The following UBE2Q2 variants were observed in gnomAD, a reference collection of about 807,000 sequenced individuals.
UBE2Q2 encodes ubiquitin-conjugating enzyme E2 Q2.
UBE2Q2 carries 54 observed loss-of-function variants against 59.9 expected under a neutral mutation model. The ratio of observed to expected loss-of-function variants is 0.90; its 90% confidence interval spans 0.72 to 1.13. UBE2Q2 has a LOEUF of 1.13. Among genes scored for constraint, UBE2Q2 ranks in the 50% most tolerant of loss-of-function variants. UBE2Q2 has a pLI of 0.00. For synonymous variants in UBE2Q2, 165 were observed against 155.2 expected (o/e 1.06, Z -0.47); for missense variants, 433 against 441.9 (o/e 0.98, Z 0.18).
chr15:75,893,710 C>T (rs1171739987), intron 11 of UBE2Q2, among the ~76,000 whole-genome samples: 1 of 151,858 alleles, frequency 6.6e-6, no homozygotes, highest in Non-Finnish European at 1.5e-5. Flanking sequence ...CAGTTGGTAC[C>T]ATACATACCA....
rs567812088 is a variant in UBE2Q2 at position 75,882,653 on chromosome 15, GTTAAGTTGGTATCTTGTGTCA to G, written c.826-694_826-674del. 6.7e-4 allele frequency among the ~76,000 whole-genome samples: 102 copies of G among 152,280 alleles called. 1 individual carries two copies. Among genetic ancestry groups the G allele is most frequent in the Non-Finnish European group, 1.2e-3 (81 of 68,020 alleles). On this transcript the variant is annotated intron_variant, in intron 8 of 12. Coordinates refer to ENST00000267938, the MANE Select transcript of UBE2Q2 (RefSeq NM_173469.4). ...TTGAAAGTAGATTATAATAACTGTT[GTTAAGTTGGTATCTTGTGTCA>G]TTAAGTTGGTATCTTGTGGATAATC... is the stretch of plus-strand genomic sequence containing the variant.
intron 5 of UBE2Q2, among the ~76,000 whole-genome samples, chr15:75,875,504 T>C (rs926461295): frequency 6.6e-6 from 1 of 152,204 alleles, no homozygotes; most frequent in Non-Finnish European, 1.5e-5. Context: ...CTGTGTAATA[T>C]TCTTGTTTGT....
At chr15:75,860,137 T>TA (rs1168397163) in intron 3 of UBE2Q2, among the ~76,000 whole-genome samples, 155 bp downstream of exon 3, 2 of 152,250 alleles carry the variant, frequency 1.3e-5, no homozygotes, top group Admixed American at 1.3e-4. Flanking sequence ...TTTTAGGTAC[T>TA]AAAAATAAAC....
chr15:75,891,893 T>C (rs1317526148), intron 11 of UBE2Q2, among the ~76,000 whole-genome samples: 1 of 152,152 alleles, frequency 6.6e-6, no homozygotes, highest in African/African-American at 2.4e-5. Context: ...GAATGGTAGT[T>C]GAGTTAAATA....
rs1226256557 is a variant in UBE2Q2, at chr15:75,843,605, C to T, written c.-62C>T. 35 of 1,450,340 alleles carry T rather than the reference C, an allele frequency of 2.4e-5. 1 individual carries two copies. The South Asian group carries it at 4.0e-4, about 16-fold the overall frequency. 89.8% of individuals were successfully genotyped at this position (1,450,340 alleles called of 1,614,324 possible). On this transcript the variant is annotated 5_prime_UTR_variant, in exon 1 of 13. Coordinates refer to ENST00000267938, the MANE Select transcript of UBE2Q2 (RefSeq NM_173469.4). ...TCGCGGCCGTGACGGCGGCTCCGGG[C>T]CCGGCTCCCCTTCCGCGCCCGGCTC...
At chr15:75,870,244 T>G (rs1273390645) in intron 4 of UBE2Q2, among the ~76,000 whole-genome samples, 1 of 152,022 alleles carries the variant, frequency 6.6e-6, no homozygotes, top group African/African-American at 2.4e-5. Flanking sequence ...TTAAAAAAAT[T>G]TTTGTAGAGA....
intron 3 of UBE2Q2, among the ~76,000 whole-genome samples, chr15:75,868,191 T>C (rs1385667085): frequency 6.6e-6 from 1 of 152,190 alleles, no homozygotes; most frequent in East Asian, 1.9e-4. Flanking sequence ...TCGTGATCTT[T>C]TACATATTCT....
In UBE2Q2 at chr15:75,876,253, TCA is replaced by T. The variant is rs1408310349; in HGVS notation, c.658_659del (p.Gln220GlufsTer3). 6.2e-7 allele frequency: 1 copy of T among 1,613,772 alleles called. No individual in the cohort carries two copies. Among genetic ancestry groups the T allele is most frequent in the East Asian group, 2.2e-5 (1 of 44,872 alleles). The part of the protein sequence containing the change: ...LMKELRDIYR[S>X]QSYKTGIYSV... ...GAAAGAGCTCAGGGACATATACAGA[TCA>T]CAGAGTTATAAAACAGGTAAGGATC... is the stretch of plus-strand genomic sequence containing the variant. On this transcript the variant is annotated frameshift_variant, in exon 6 of 13. Transcript: ENST00000267938. LOFTEE classifies it high-confidence loss of function.
intron 12 of UBE2Q2, among the ~76,000 whole-genome samples, 181 bp downstream of exon 12, chr15:75,897,242 T>C (rs1371575096): frequency 6.6e-6 from 1 of 151,934 alleles, no homozygotes; most frequent in Non-Finnish European, 1.5e-5. Flanking sequence ...TTTTATTTTA[T>C]TTTATTTGTT....
chr15:75,897,854 A>G (rs1268723591), intron 12 of UBE2Q2, among the ~76,000 whole-genome samples: 2 of 152,110 alleles, frequency 1.3e-5, no homozygotes, highest in Non-Finnish European at 2.9e-5. Flanking sequence ...TTACTTTGCT[A>G]GAAATGTGTC....
intron 1 of UBE2Q2, among the ~76,000 whole-genome samples, chr15:75,850,155 T>C (rs1423081262): frequency 5.9e-5 from 9 of 152,224 alleles, no homozygotes; most frequent in Admixed American, 4.6e-4. Context: ...AGGTTAAGTT[T>C]CCTGGCGTGG....
At chr15:75,883,181 C>T (rs1898539758) in intron 8 of UBE2Q2, among the ~76,000 whole-genome samples, 185 bp from the exon 9 acceptor site, 2 of 152,040 alleles carry the variant, frequency 1.3e-5, no homozygotes, top group Admixed American at 6.6e-5. Flanking sequence ...CTGTTTGGGC[C>T]TGATTTTAAC....
chr15:75,856,501 A>G (rs889764269), intron 2 of UBE2Q2, among the ~76,000 whole-genome samples: 1 of 152,194 alleles, frequency 6.6e-6, no homozygotes, highest in Non-Finnish European at 1.5e-5. Flanking sequence ...AATTTAGTAT[A>G]AGGTAAAGGT....
intron 3 of UBE2Q2, among the ~76,000 whole-genome samples, chr15:75,863,746 G>A (rs577168188): frequency 3.9e-5 from 6 of 151,994 alleles, no homozygotes; most frequent in South Asian, 4.2e-4. Flanking sequence ...GGGTTCAAGC[G>A]ATTCTCCTGC....
At chr15:75,857,401 T>G (rs959737761) in intron 2 of UBE2Q2, among the ~76,000 whole-genome samples, 4 of 152,208 alleles carry the variant, frequency 2.6e-5, no homozygotes, top group Non-Finnish European at 5.9e-5. Flanking sequence ...TGGGCCTAGT[T>G]TTTTAAAAGT....
At chr15:75,845,913 G>T (rs1455535849) in intron 1 of UBE2Q2, among the ~76,000 whole-genome samples, 2 of 152,192 alleles carry the variant, frequency 1.3e-5, no homozygotes, top group African/African-American at 2.4e-5. Context: ...TTCAGTACAA[G>T]GAGGATTTAG....
intron 7 of UBE2Q2, 198 bp downstream of exon 7, chr15:75,878,219 A>G (rs1008205456): frequency 2.1e-5 from 11 of 535,338 alleles, no homozygotes; most frequent in Non-Finnish European, 3.6e-5. Context: ...GAGGAAGGAC[A>G]GAAAGAGGGA....
At chr15:75,879,254 G>A in intron 8 of UBE2Q2, 66 bp downstream of exon 8, 1 of 982,632 alleles carries the variant, frequency 1.0e-6, no homozygotes, top group Non-Finnish European at 1.5e-6. Flanking sequence ...CAAGTGCTTT[G>A]GAAAACAATT....
At chr15:75,869,254 A>G (rs1311859929) in intron 4 of UBE2Q2, among the ~76,000 whole-genome samples, 1 of 152,254 alleles carries the variant, frequency 6.6e-6, no homozygotes, top group African/African-American at 2.4e-5. Flanking sequence ...ATTTAGCACC[A>G]AAATTATATT....
Sources: gnomAD v4.1 joint callset for allele counts (sites outside exome capture counted in the v4.1 genomes callset) on GRCh38, gnomAD v4.1.1 for gene constraint, MANE v1.5 for transcripts, NCBI Gene and HGNC (gene_info 2026-07-23, HGNC 2026-07-21) for gene names.